The following TCTN2 variants were observed in gnomAD, a reference collection of about 807,000 sequenced individuals.
TCTN2 encodes tectonic family member 2.
Under a neutral mutation model 83.4 loss-of-function variants are expected in TCTN2, and 66 were observed. That is an observed-to-expected ratio of 0.79 (90% CI 0.65 to 0.97). TCTN2 has a LOEUF of 0.97. TCTN2 is among the 50% of genes least tolerant of loss of function. TCTN2 has a pLI of 0.00. For missense variants in TCTN2, 794 were observed against 858.1 expected (o/e 0.93, Z 0.93); for synonymous variants, 301 against 326.7 (o/e 0.92, Z 0.85).
intron 13 of TCTN2, among the ~76,000 whole-genome samples, chr12:123,697,489 TTTG>T (rs1048078079): frequency 1.1e-4 from 17 of 152,182 alleles, no homozygotes; most frequent in Non-Finnish European, 1.5e-4. Context: ...TGGAACCTTT[TTTG>T]TTGTTGTTGT....
At chr12:123,674,758 G>GTGCC (rs1174584369) in intron 4 of TCTN2, among the ~76,000 whole-genome samples, 1 of 152,184 alleles carries the variant, frequency 6.6e-6, no homozygotes, top group African/African-American at 2.4e-5. Context: ...GGGCATGATG[G>GTGCC]TGCCTGCCTG....
chr12:123,691,428 A>G (rs1007223864), intron 8 of TCTN2, among the ~76,000 whole-genome samples: 4 of 152,118 alleles, frequency 2.6e-5, no homozygotes, highest in Admixed American at 6.6e-5. Context: ...GGCTTCTTTC[A>G]CTGAGCATGG....
rs761940687 is a variant in TCTN2 at position 123,672,202 on chromosome 12, CTT to C, written c.267+72_267+73del. The C allele has an allele frequency of 3.5e-4, 457 of 1,301,464 alleles. 1 individual carries two copies. Among genetic ancestry groups the C allele is most frequent in the Middle Eastern group, 2.4e-3 (13 of 5,470 alleles). The allele number at this position is 1,301,464 out of a possible 1,614,324, so 80.6% of individuals were successfully genotyped here. A position where few individuals can be genotyped will look rare whatever the true frequency, so the allele number is the denominator to read the frequency against. On this transcript the variant is annotated intron_variant, in intron 3 of 17. Coordinates refer to ENST00000303372, the MANE Select transcript of TCTN2 (RefSeq NM_024809.5). ...CCAGCTAGGGTTTCTGCAGTGCTCTCTTTATTTAACAAGGCATGGCTTTCTCC... is the reference window on the plus strand; with the variant it reads ...CCAGCTAGGGTTTCTGCAGTGCTCTCTATTTAACAAGGCATGGCTTTCTCC...
intron 6 of TCTN2, among the ~76,000 whole-genome samples, chr12:123,687,621 C>T (rs1289090518): frequency 6.6e-6 from 1 of 152,082 alleles, no homozygotes; most frequent in Non-Finnish European, 1.5e-5. Flanking sequence ...CACTGCACTC[C>T]AGCCTGGGCG....
chr12:123,702,016 C>A (rs890484591), intron 14 of TCTN2, among the ~76,000 whole-genome samples: 1 of 152,274 alleles, frequency 6.6e-6, no homozygotes, highest in African/African-American at 2.4e-5. Flanking sequence ...GTTGGAGAGG[C>A]CTAAGGTCAC....
Position 123,704,452 on chromosome 12 carries a change from C to T in TCTN2, c.1613-80C>T, listed in dbSNP as rs1396166550. On this transcript the variant is annotated intron_variant, in intron 14 of 17. Transcript: ENST00000303372. ...AATGTGATGCCTGCCTGATATTATT[C>T]CCCATTTTGGTTATTACGACATTGT... is the stretch of plus-strand genomic sequence containing the variant. 1.4e-5 allele frequency: 20 copies of T among 1,430,348 alleles called. No individual in the cohort carries two copies. The East Asian group carries it at 3.7e-4, about 27-fold the overall frequency. The allele number at this position is 1,430,348 out of a possible 1,614,324, so 88.6% of individuals were successfully genotyped here.
intron 2 of TCTN2, 28 bp downstream of exon 2, chr12:123,671,642 G>T: frequency 6.3e-7 from 1 of 1,595,940 alleles, no homozygotes; most frequent in Non-Finnish European, 8.5e-7. Context: ...TTTGGGGAGG[G>T]TGGGGGTTGG....
intron 4 of TCTN2, among the ~76,000 whole-genome samples, chr12:123,674,408 C>A (rs1955795054): frequency 6.6e-6 from 1 of 152,046 alleles, no homozygotes; most frequent in Non-Finnish European, 1.5e-5. Flanking sequence ...GTAGCTGGGA[C>A]TACAGGCTCA....
At position 123,671,292 on chromosome 12, in the gene TCTN2, G is replaced by A. The variant is rs145510104; in HGVS notation, c.52G>A (p.Gly18Ser). Residue 18 changes from glycine to serine, a missense_variant, in exon 1 of 18, where the codon GGC becomes AGC. Gly to Ser is a moderately conservative substitution (Grantham distance 56, BLOSUM62 0). Coordinates refer to ENST00000303372, the MANE Select transcript of TCTN2 (RefSeq NM_024809.5). ...TCTTTTGAGGCTTTTCCTTCTGCAG[G>A]GCATCCTGAGGCTTCTGTGGGGGGA... The part of the protein sequence containing the change: ...ALLLRLFLLQ[G>S]ILRLLWGDLA... 54 of 1,613,768 alleles carry A rather than the reference G, an allele frequency of 3.3e-5. No individual in the cohort carries two copies. The highest frequency in any genetic ancestry group is 4.3e-5 in the Non-Finnish European group (51 of 1,179,988).
intron 4 of TCTN2, among the ~76,000 whole-genome samples, chr12:123,676,327 G>A (rs1234851857): frequency 6.6e-6 from 1 of 152,014 alleles, no homozygotes; most frequent in African/African-American, 2.4e-5. Context: ...CCAGCACTTT[G>A]GGAGGCTGAG....
In TCTN2 at chr12:123,671,591, T is replaced by C. The variant is rs780468363; in HGVS notation, c.167T>C (p.Leu56Pro). The change falls in exon 2 of 18, where the codon CTG becomes CCG. Residue 56 changes from leucine (L) to proline (P), a missense_variant. By Grantham distance (98) the Leu-to-Pro change is moderately conservative. Coordinates refer to ENST00000303372, the MANE Select transcript of TCTN2 (RefSeq NM_024809.5). The stretch of plus-strand genomic sequence containing the variant: ...GACACCGAGGGTGTGACCGTGTCCC[T>C]GGCAGTGCTGCAGGACGAGGCGGGT... ...VGDTEGVTVS[L>P]AVLQDEAGIL... 6.2e-7 allele frequency: 1 copy of C among 1,613,486 alleles called. No individual in the cohort carries two copies. Among genetic ancestry groups the C allele is most frequent in the South Asian group, 1.1e-5 (1 of 91,084 alleles).
chr12:123,707,822 C>T lies in TCTN2; in HGVS notation c.*109C>T. 1 of 825,512 alleles carries T rather than the reference C, an allele frequency of 1.2e-6. No individual in the cohort carries two copies. Among genetic ancestry groups the T allele is most frequent in the South Asian group, 1.4e-5 (1 of 72,234 alleles). 51.1% of individuals were successfully genotyped at this position (825,512 alleles called of 1,614,324 possible). Reference sequence around the variant, plus strand: ...CTCCTCTTGGGTTCAAGCGATTCTCCTGCCTCAGCCTCCGGAGAACTGGGA... The same window carrying T: ...CTCCTCTTGGGTTCAAGCGATTCTCTTGCCTCAGCCTCCGGAGAACTGGGA... On this transcript the variant is annotated 3_prime_UTR_variant, in exon 18 of 18. Coordinates refer to ENST00000303372, the MANE Select transcript of TCTN2 (RefSeq NM_024809.5).
At chr12:123,679,965 T>G (rs1955876017) in intron 5 of TCTN2, among the ~76,000 whole-genome samples, 1 of 150,906 alleles carries the variant, frequency 6.6e-6, no homozygotes, top group Admixed American at 6.6e-5. Flanking sequence ...GGTCTTGATC[T>G]CCTGACCTCG....
intron 1 of TCTN2, 35 bp downstream of exon 1, chr12:123,671,357 G>T (rs1955747733): frequency 1.2e-6 from 2 of 1,609,114 alleles, no homozygotes; most frequent in Non-Finnish European, 1.7e-6. Context: ...CGGTGGGCCG[G>T]GGCTGAGGGG....
At chr12:123,694,462 G>C (rs942120491) in intron 9 of TCTN2, among the ~76,000 whole-genome samples, 1 of 152,230 alleles carries the variant, frequency 6.6e-6, no homozygotes, top group Non-Finnish European at 1.5e-5. Flanking sequence ...TGTTAGTGGA[G>C]TTCCTACGCC....
At chr12:123,671,670 C>A in intron 2 of TCTN2, 56 bp downstream of exon 2, 1 of 1,518,518 alleles carries the variant, frequency 6.6e-7, no homozygotes, top group Non-Finnish European at 9.0e-7. Context: ...CCAGACCTCC[C>A]AAGGAGCCTG....
intron 5 of TCTN2, among the ~76,000 whole-genome samples, chr12:123,685,171 T>G (rs1012501914): frequency 2.0e-5 from 3 of 152,168 alleles, no homozygotes; most frequent in Admixed American, 6.6e-5. Flanking sequence ...GACTCCCTTT[T>G]GCATGTGTTG....
Position 123,692,959 on chromosome 12 carries a change from G to C in TCTN2, c.1099+236G>C, listed in dbSNP as rs74936044. On this transcript the variant is annotated intron_variant, in intron 9 of 17. Coordinates refer to ENST00000303372, the MANE Select transcript of TCTN2 (RefSeq NM_024809.5). ...AGTCCTGGATTCTCTGAGTTCCACC[G>C]ACCCTTCTAGTTCCAGCTTCCGTGA... Among the ~76,000 whole-genome samples the C allele has an allele frequency of 0.032, 4,890 of 150,540 alleles. 100 individuals are homozygous for C. The highest frequency in any genetic ancestry group is 0.05 in the Non-Finnish European group (3,418 of 67,774).
intron 9 of TCTN2, among the ~76,000 whole-genome samples, chr12:123,693,453 G>GGT (rs1956070470): frequency 3.9e-5 from 4 of 103,168 alleles, no homozygotes; most frequent in African/African-American, 1.9e-4. Context: ...GAGTTTGGCA[G>GGT]ATTTTTTTTT....
Sources: allele counts gnomAD v4.1 joint callset (sites outside exome capture counted in the v4.1 genomes callset), GRCh38; gene constraint gnomAD v4.1.1; transcripts MANE v1.5; gene names NCBI Gene and HGNC (gene_info 2026-07-23, HGNC 2026-07-21).